CAAP1: variants seen among roughly 807,000 people sequenced by gnomAD.
CAAP1 encodes the protein caspase activity and apoptosis inhibitor 1, also known as conserved anti-apoptotic protein.
A neutral mutation model predicts 34.0 loss-of-function variants in CAAP1; 20 were observed. The ratio of observed to expected loss-of-function variants is 0.59; its 90% CI spans 0.41 to 0.86. The LOEUF (loss-of-function observed/expected upper bound fraction) is 0.86. CAAP1 is among the 40% of genes least tolerant of loss of function. The pLI, the probability that CAAP1 is intolerant of heterozygous loss-of-function variation, is 0.00. For synonymous variants in CAAP1, 213 were observed against 166.7 expected (o/e 1.28, Z -2.14); for missense variants, 538 against 450.5 (o/e 1.19, Z -1.76).
At chr9:26,874,184 G>A (rs1823360630) in intron 4 of CAAP1, among the ~76,000 whole-genome samples, 1 of 125,920 alleles carries the variant, frequency 7.9e-6, no homozygotes, top group Non-Finnish European at 1.6e-5. Context: ...TCAAGCCTGG[G>A]CAACAAAGTG....
chr9:26,884,044 G>A (rs1292724880), intron 4 of CAAP1, among the ~76,000 whole-genome samples: 4 of 152,102 alleles, frequency 2.6e-5, no homozygotes, highest in South Asian at 4.1e-4. Flanking sequence ...GTGTACTACT[G>A]CCTGTGACAC....
intron 1 of CAAP1, among the ~76,000 whole-genome samples, chr9:26,890,479 T>A (rs961582310): frequency 5.3e-5 from 8 of 152,074 alleles, no homozygotes; most frequent in Non-Finnish European, 8.8e-5. Context: ...ATAATTTTTT[T>A]AAAGAGTGTC....
intron 1 of CAAP1, 126 bp from the exon 2 acceptor site, chr9:26,887,639 A>G: frequency 9.7e-6 from 6 of 619,780 alleles, no homozygotes; most frequent in Non-Finnish European, 1.6e-5. Context: ...TCTTTGCATA[A>G]TTATTTATCA....
At chr9:26,869,982 T>C in intron 4 of CAAP1, 1 of 980,078 alleles carries the variant, frequency 1.0e-6, no homozygotes, top group Non-Finnish European at 1.2e-6. Flanking sequence ...AATTGACTGA[T>C]GGAAAAATGA....
At chr9:26,851,197 C>T (rs10812480) in intron 5 of CAAP1, among the ~76,000 whole-genome samples, 16,111 of 152,060 alleles carry the variant, frequency 0.11, 1,969 homozygotes, top group East Asian at 0.69. Context: ...TACCAAATTA[C>T]GCAATACAAA....
chr9:26,892,187 A>C (rs1406261317), intron 1 of CAAP1: 2 of 1,282,216 alleles, frequency 1.6e-6, no homozygotes, highest in Non-Finnish European at 2.1e-6. Context: ...AATAAATTAA[A>C]AAAAAAGTGA....
intron 5 of CAAP1, among the ~76,000 whole-genome samples, 189 bp downstream of exon 5, chr9:26,860,877 C>T (rs541763846): frequency 1.3e-5 from 2 of 152,204 alleles, no homozygotes; most frequent in African/African-American, 4.8e-5. Context: ...CTGTAACTAA[C>T]TAAACATCAT....
At chr9:26,862,964 A>G (rs1023250657) in intron 4 of CAAP1, among the ~76,000 whole-genome samples, 1 of 152,146 alleles carries the variant, frequency 6.6e-6, no homozygotes, top group Non-Finnish European at 1.5e-5. Flanking sequence ...TGCAAATGGG[A>G]TAGAAGGTCA....
At chr9:26,892,323 A>T (rs1455094524) in intron 1 of CAAP1, 90 bp downstream of exon 1, 4 of 1,553,338 alleles carry the variant, frequency 2.6e-6, no homozygotes, top group Non-Finnish European at 3.5e-6. Context: ...GCTAGCAGTG[A>T]GCTCCAGCCT....
At chr9:26,874,703 C>G (rs1423641921) in intron 4 of CAAP1, among the ~76,000 whole-genome samples, 1 of 152,148 alleles carries the variant, frequency 6.6e-6, no homozygotes, top group Non-Finnish European at 1.5e-5. Flanking sequence ...AAGTTTCAAA[C>G]TGGCACACTA....
chr9:26,871,696 G>C (rs1382277884), intron 4 of CAAP1, among the ~76,000 whole-genome samples: 1 of 151,998 alleles, frequency 6.6e-6, no homozygotes, highest in Non-Finnish European at 1.5e-5. Context: ...AGCCGAGGTG[G>C]GTGGGTCACC....
intron 4 of CAAP1, among the ~76,000 whole-genome samples, chr9:26,863,936 T>G (rs1278420967): frequency 6.6e-6 from 1 of 152,056 alleles, no homozygotes; most frequent in Non-Finnish European, 1.5e-5. Context: ...GGGCTACAGA[T>G]GTACACCATC....
chr9:26,843,149 C>A (rs753364128), intron 5 of CAAP1, among the ~76,000 whole-genome samples: 2 of 152,184 alleles, frequency 1.3e-5, no homozygotes, highest in African/African-American at 4.8e-5. Context: ...TCTTTTCATA[C>A]GCTTTTTCAA....
In CAAP1 at chr9:26,884,677, CA is replaced by C. The variant is rs555789068; in HGVS notation, c.665+132del. ...AAAAGGACCAATCATTACAAGTAGA[CA>C]AATAAATCTTTCTATACCACTGAAT... On this transcript the variant is annotated intron_variant, in intron 4 of 5. Coordinates refer to ENST00000333916, the MANE Select transcript of CAAP1 (RefSeq NM_024828.4). 193 of 716,360 alleles carry C rather than the reference CA, an allele frequency of 2.7e-4. 1 individual carries two copies. The East Asian group carries it at 3.9e-3, about 14-fold the overall frequency. The allele number at this position is 716,360 out of a possible 1,614,324, so 44.4% of individuals were successfully genotyped here. A position where few individuals can be genotyped will look rare whatever the true frequency, so the allele number is the denominator to read the frequency against.
Position 26,842,198 on chromosome 9 carries a change from T to G in CAAP1, c.*103A>C, listed in dbSNP as rs1236335362. The stretch of plus-strand genomic sequence containing the variant: ...GGCTAAAATGAGTCCTAATAAGGGT[T>G]ACATGAGAAATAACATATAAGACCC... On this transcript the variant is annotated 3_prime_UTR_variant, in exon 6 of 6. Coordinates refer to ENST00000333916, the MANE Select transcript of CAAP1 (RefSeq NM_024828.4). 1 of 892,198 alleles carries G rather than the reference T, an allele frequency of 1.1e-6. No individual in the cohort carries two copies. The highest frequency in any genetic ancestry group is 1.7e-6 in the Non-Finnish European group (1 of 597,420). 55.3% of individuals were successfully genotyped at this position (892,198 alleles called of 1,614,324 possible). A position where few individuals can be genotyped will look rare whatever the true frequency, so the allele number is the denominator to read the frequency against.
At chr9:26,844,893 T>C (rs1488534058) in intron 5 of CAAP1, among the ~76,000 whole-genome samples, 2 of 152,216 alleles carry the variant, frequency 1.3e-5, no homozygotes, top group Admixed American at 6.5e-5. Flanking sequence ...TTAGGTTTGA[T>C]GTTCTACACG....
intron 5 of CAAP1, among the ~76,000 whole-genome samples, chr9:26,845,698 C>T (rs1822583171): frequency 6.6e-6 from 1 of 152,152 alleles, no homozygotes; most frequent in Admixed American, 6.6e-5. Context: ...TAAATTCTAA[C>T]AATTCTTGGT....
chr9:26,851,964 C>T (rs1214082578), intron 5 of CAAP1, among the ~76,000 whole-genome samples: 1 of 152,122 alleles, frequency 6.6e-6, no homozygotes, highest in East Asian at 1.9e-4. Flanking sequence ...TGTGGCACTG[C>T]TTTTGCTTGT....
chr9:26,851,628 A>C (rs1708384208), intron 5 of CAAP1, among the ~76,000 whole-genome samples: 1 of 152,244 alleles, frequency 6.6e-6, no homozygotes. Context: ...GAGTAATCTG[A>C]AAGTAAATAA....
Sources: gnomAD v4.1 joint callset for allele counts (sites outside exome capture counted in the v4.1 genomes callset) on GRCh38, gnomAD v4.1.1 for gene constraint, MANE v1.5 for transcripts, NCBI Gene and HGNC (gene_info 2026-07-23, HGNC 2026-07-21) for gene names.